Variants in EIF3F observed in about 807,000 individuals in gnomAD.
EIF3F encodes deubiquitinating enzyme eIF3f.
In EIF3F, 8 loss-of-function variants were observed where a neutral mutation model predicts 36.0. The observed-to-expected ratio is 0.22, with a 90% CI of 0.13 to 0.40. The LOEUF (loss-of-function observed/expected upper bound fraction) is 0.40. Ranked by LOEUF, EIF3F falls within the 10% of genes least tolerant of loss-of-function variation. The pLI is 1.00. For missense variants in EIF3F, 430 were observed against 467.6 expected (o/e 0.92, Z 0.74); for synonymous variants, 184 against 188.5 (o/e 0.98, Z 0.19).
intron 7 of EIF3F, 50 bp from the exon 8 acceptor site, chr11:7,995,895 G>T (rs1224641922): frequency 6.5e-7 from 1 of 1,545,100 alleles, no homozygotes; most frequent in African/African-American, 1.4e-5. Context: ...CAGCCTTTTT[G>T]CTCCCTTTCC....
chr11:7,993,230 G>T (rs12420464), intron 4 of EIF3F, among the ~76,000 whole-genome samples: 6,748 of 152,246 alleles, frequency 0.044, 215 homozygotes, highest in Non-Finnish European at 0.073. Context: ...TTGTACTCCA[G>T]TTTCTACTCA....
rs940648313 is a variant in EIF3F, at chr11:7,997,058, A to G, written c.*1036A>G. 1.3e-5 allele frequency: 2 copies of G among 152,222 alleles called. No homozygotes were observed. The highest frequency in any genetic ancestry group is 4.8e-5 in the African/African-American group (2 of 41,460). The allele number at this position is 152,222 out of a possible 1,614,324, so 9.4% of individuals were successfully genotyped here. A position where few individuals can be genotyped will look rare whatever the true frequency, so the allele number is the denominator to read the frequency against. ...GATACTATGATGCCTAAAGGTGAATAGTTTGAAAGTAATAAGCAACATGAA... is the reference window on the plus strand; with the variant it reads ...GATACTATGATGCCTAAAGGTGAATGGTTTGAAAGTAATAAGCAACATGAA... On this transcript the variant is annotated 3_prime_UTR_variant, in exon 8 of 8. Coordinates refer to ENST00000651655, the MANE Select transcript of EIF3F (RefSeq NM_003754.3).
Position 7,995,059 on chromosome 11 carries a change from G to T in EIF3F, c.823G>T (p.Ala275Ser). The T allele has an allele frequency of 1.2e-6, 2 of 1,613,974 alleles. No homozygotes were observed. Among genetic ancestry groups the T allele is most frequent in the Non-Finnish European group, 8.5e-7 (1 of 1,179,890 alleles). Residue 275 changes from alanine to serine, a missense_variant, in exon 6 of 8, where the codon GCA becomes TCA. Physicochemically the swap from Ala to Ser is moderately conservative, Grantham distance 99. Coordinates refer to ENST00000651655, the MANE Select transcript of EIF3F (RefSeq NM_003754.3). ...LSSDLQQVGG[A>S]SARIQDALST... ...AAGTGACTTGCAGCAAGTAGGAGGG[G>T]CATCAGCTCGCATCCAGGATGCCCT...
chr11:7,993,239 C>A (rs557076684), intron 4 of EIF3F, among the ~76,000 whole-genome samples: 3 of 152,210 alleles, frequency 2.0e-5, no homozygotes, highest in Non-Finnish European at 2.9e-5. Context: ...AGTTTCTACT[C>A]ATTGCCCTTT....
chr11:7,992,339 G>A, intron 3 of EIF3F, 176 bp downstream of exon 3: 1 of 631,742 alleles, frequency 1.6e-6, no homozygotes, highest in South Asian at 2.0e-5. Context: ...GGCTGAGGCA[G>A]GAGGATCACT....
rs1942174486 is a variant in EIF3F at position 7,997,569 on chromosome 11, A to G, written c.*1547A>G. The G allele has an allele frequency of 2.6e-5, 4 of 152,248 alleles. No homozygotes were observed. The highest frequency in any genetic ancestry group is 2.6e-4 in the Admixed American group (4 of 15,284). 9.4% of individuals were successfully genotyped at this position (152,248 alleles called of 1,614,324 possible). On this transcript the variant is annotated 3_prime_UTR_variant, in exon 8 of 8. Transcript: ENST00000651655. ...AAACTAGCCCAAGGAAAAATTGAAT[A>G]TTAAAACAAACCCCAATCATATGCT...
In EIF3F at chr11:7,987,363, C is replaced by G. The variant is rs767716913; in HGVS notation, c.11C>G (p.Pro4Arg). ...TTCTTTCTCGACAAGATGGCCACAC[C>G]GGCGGTACCAGTAAGTGCTCCTCCG... MAT[P>R]AVPVSAPPAT... is the part of the protein sequence containing the mutation. The change falls in exon 1 of 8, where the codon CCG (proline) becomes CGG (arginine). Residue 4 changes from proline to arginine, a missense_variant. This residue lies in a region of EIF3F where 168 missense variants were observed against 120.2 expected (regional missense o/e 1.40). Coordinates refer to ENST00000651655, the MANE Select transcript of EIF3F (RefSeq NM_003754.3). 1 of 1,593,592 alleles carries G rather than the reference C, an allele frequency of 6.3e-7. No homozygotes were observed. The highest frequency in any genetic ancestry group is 1.1e-5 in the South Asian group (1 of 90,572).
At chr11:7,992,584 CAAAAG>C (rs1280219550) in intron 3 of EIF3F, 1 of 455,458 alleles carries the variant, frequency 2.2e-6, no homozygotes, top group South Asian at 2.2e-5. Context: ...CTCTAAAAAA[CAAAAG>C]GAAAGTGTGT....
chr11:7,987,515 G>A lies in EIF3F; in HGVS notation c.163G>A (p.Ala55Thr). Residue 55 changes from alanine to threonine, a missense_variant, in exon 1 of 8, where the codon GCA becomes ACA. By Grantham distance (58) the Ala-to-Thr change is moderately conservative (BLOSUM62 0). Around this residue, in one of 2 missense-constraint regions of EIF3F, gnomAD observed 168 missense variants for 120.2 expected, o/e 1.40. Transcript: ENST00000651655. ...CTCAGACCCTGCGGCAGCAGCGGCTGCAACTGCGGCTCCTGGCCAGACCCC... is the reference window on the plus strand; with the variant it reads ...CTCAGACCCTGCGGCAGCAGCGGCTACAACTGCGGCTCCTGGCCAGACCCC... Reference protein sequence around the residue: ...SSSDPAAAAAATAAPGQTPAS... With the variant: ...SSSDPAAAAATTAAPGQTPAS... 6.2e-7 allele frequency: 1 copy of A among 1,606,548 alleles called. No homozygotes were observed. Among genetic ancestry groups the A allele is most frequent in the Non-Finnish European group, 8.5e-7 (1 of 1,177,746 alleles).
In EIF3F at chr11:8,000,876, G is replaced by A. The variant is rs1589909364; in HGVS notation, c.*4854G>A. ...TGTGTTTTTAATGATTTATGAGTGA[G>A]GAAGAACTTTCTAAGAACTGAGAAT... On this transcript the variant is annotated 3_prime_UTR_variant, in exon 8 of 8. Coordinates refer to ENST00000651655, the MANE Select transcript of EIF3F (RefSeq NM_003754.3). 6.6e-6 allele frequency: 1 copy of A among 152,110 alleles called. No individual in the cohort carries two copies. The highest frequency in any genetic ancestry group is 1.5e-5 in the Non-Finnish European group (1 of 68,022). The allele number at this position is 152,110 out of a possible 1,614,324, so 9.4% of individuals were successfully genotyped here. A position where few individuals can be genotyped will look rare whatever the true frequency, so the allele number is the denominator to read the frequency against.
chr11:7,998,090 G>GTACA lies in EIF3F; in HGVS notation c.*2070_*2071insCATA, dbSNP rs1942181375. On this transcript the variant is annotated 3_prime_UTR_variant, in exon 8 of 8. Transcript: ENST00000651655. ...CGGATACTAAACGGTGACTGTGTGT[G>GTACA]TATATATATATGTATAGTCTGTTCT... 1 of 151,830 alleles carries GTACA rather than the reference G, an allele frequency of 6.6e-6. No homozygotes were observed. The allele number at this position is 151,830 out of a possible 1,614,324, so 9.4% of individuals were successfully genotyped here.
intron 1 of EIF3F, 83 bp downstream of exon 1, chr11:7,987,799 T>C: frequency 7.2e-7 from 1 of 1,381,908 alleles, no homozygotes; most frequent in Non-Finnish European, 9.4e-7. Flanking sequence ...AATTCTTTAA[T>C]TCCTGGTGTC....
intron 4 of EIF3F, 72 bp downstream of exon 4, chr11:7,993,096 G>A (rs571824665): frequency 1.3e-6 from 2 of 1,481,480 alleles, no homozygotes; most frequent in South Asian, 2.8e-5. Context: ...CCCAAGCAAG[G>A]TTAATTCCTT....
chr11:7,997,844 G>A lies in EIF3F; in HGVS notation c.*1822G>A. ...TGAAAATATTGAGGGGGAAAATTGT[G>A]TCTGGACTAAACCTGTACAGACATT... On this transcript the variant is annotated 3_prime_UTR_variant, in exon 8 of 8. Transcript: ENST00000651655. The A allele has an allele frequency of 6.6e-6, 1 of 152,202 alleles. No individual in the cohort carries two copies. Among genetic ancestry groups the A allele is most frequent in the South Asian group, 2.1e-4 (1 of 4,834 alleles). The allele number at this position is 152,202 out of a possible 1,614,324, so 9.4% of individuals were successfully genotyped here.
chr11:7,992,003 G>A, intron 2 of EIF3F, 81 bp from the exon 3 acceptor site: 1 of 1,502,846 alleles, frequency 6.7e-7, no homozygotes, highest in South Asian at 1.1e-5. Context: ...TCTGTTTATT[G>A]GGGGTGGCCT....
chr11:7,995,008 A>T lies in EIF3F; in HGVS notation c.772A>T (p.Ser258Cys). ...GVDLIMKTCF[S>C]PNRVIGLSSD... The stretch of plus-strand genomic sequence containing the variant: ...TGACCTGATCATGAAGACCTGCTTT[A>T]GCCCCAACAGAGTGATTGGACTCTC... Residue 258 changes from serine to cysteine, a missense_variant, in exon 6 of 8, where the codon AGC (serine) becomes TGC (cysteine). This residue lies in a region of EIF3F where 262 missense variants were observed against 347.4 expected (regional missense o/e 0.75). Transcript: ENST00000651655. The T allele has an allele frequency of 3.1e-6, 5 of 1,613,642 alleles. No homozygotes were observed. The South Asian group carries it at 5.5e-5, about 18-fold the overall frequency.
chr11:7,987,475 G>T lies in EIF3F; in HGVS notation c.123G>T (p.Ala41=), dbSNP rs552010351. 34 of 1,605,910 alleles carry T rather than the reference G, an allele frequency of 2.1e-5. No homozygotes were observed. In the African/African-American group the frequency reaches 3.7e-4, roughly 18 times the overall value. Residue 41 remains alanine, a synonymous_variant, in exon 1 of 8, where the codon GCG becomes GCT. Transcript: ENST00000651655. ...PAPAAAPVPA[A]APASSSDPAA... ...CGGCTGCGGCTCCGGTTCCCGCTGC[G>T]GCTCCAGCCTCATCCTCAGACCCTG...
rs1364722536 is a variant in EIF3F, at chr11:7,996,369, A to T, written c.*347A>T. ...CAACCTTTTCTTGAGGATTCATGTG[A>T]TTTCTACAGGAAATGAAAATAAGAA... On this transcript the variant is annotated 3_prime_UTR_variant, in exon 8 of 8. Transcript: ENST00000651655. 5.1e-6 allele frequency: 1 copy of T among 194,528 alleles called. No homozygotes were observed. Among genetic ancestry groups the T allele is most frequent in the Non-Finnish European group, 1.1e-5 (1 of 94,866 alleles). 12.1% of individuals were successfully genotyped at this position (194,528 alleles called of 1,614,324 possible).
rs897155808 is a variant in EIF3F at position 7,996,270 on chromosome 11, A to G, written c.*248A>G. On this transcript the variant is annotated 3_prime_UTR_variant, in exon 8 of 8. Coordinates refer to ENST00000651655, the MANE Select transcript of EIF3F (RefSeq NM_003754.3). ...AATATTGTAGGTAGAGAAGTTGGTT[A>G]TGTGTTTGGCATGTTACTGTTTTAC... The G allele has an allele frequency of 5.0e-6, 2 of 401,610 alleles. No homozygotes were observed. Among genetic ancestry groups the G allele is most frequent in the East Asian group, 4.1e-5 (1 of 24,576 alleles). 24.9% of individuals were successfully genotyped at this position (401,610 alleles called of 1,614,324 possible).
Sources: gnomAD v4.1 joint callset for allele counts (sites outside exome capture counted in the v4.1 genomes callset) on GRCh38, gnomAD v4.1.1 for gene constraint, gnomAD v4.1.1 regional missense constraint, MANE v1.5 for transcripts, NCBI Gene and HGNC (gene_info 2026-07-23, HGNC 2026-07-21) for gene names.